GABRG2: variants seen among roughly 807,000 people sequenced by gnomAD.
GABRG2 encodes the protein gamma-aminobutyric acid receptor subunit gamma-2.
GABRG2 carries 16 observed loss-of-function variants against 56.4 expected under a neutral mutation model. The observed-to-expected ratio is 0.28, with a 90% CI of 0.19 to 0.43. GABRG2 has a LOEUF of 0.43. Among genes scored for constraint, GABRG2 ranks in the 20% least tolerant of loss-of-function variants. The pLI, the probability that GABRG2 is intolerant of heterozygous loss-of-function variation, is 1.00. For synonymous variants in GABRG2, 208 were observed against 205.5 expected, an observed-to-expected ratio of 1.01 and a Z score of -0.10; for missense variants, 327 against 582.7, an observed-to-expected ratio of 0.56 and a Z score of 4.52.
chr5:162,141,807 A>G (rs1481125863), intron 6 of GABRG2, among the ~76,000 whole-genome samples: 1 of 152,138 alleles, frequency 6.6e-6, no homozygotes, highest in Admixed American at 6.5e-5. Flanking sequence ...AATTGCAGAC[A>G]AGATACGCAC....
chr5:162,138,407 A>G (rs1306993654), intron 6 of GABRG2, among the ~76,000 whole-genome samples: 1 of 152,202 alleles, frequency 6.6e-6, no homozygotes, highest in African/African-American at 2.4e-5. Context: ...CAAAAGCTAG[A>G]TAGAATGCAT....
chr5:162,076,758 T>C (rs929051773), intron 1 of GABRG2, among the ~76,000 whole-genome samples: 5 of 152,100 alleles, frequency 3.3e-5, no homozygotes, highest in African/African-American at 1.2e-4. Flanking sequence ...TGGAGAGTAA[T>C]GAGGAAGGAA....
chr5:162,112,951 T>TA (rs1554098874), intron 6 of GABRG2, among the ~76,000 whole-genome samples: 1 of 151,936 alleles, frequency 6.6e-6, no homozygotes, highest in East Asian at 1.9e-4. Flanking sequence ...TTTATTTTAT[T>TA]TTATTATTAT....
At chr5:162,131,041 G>C (rs749203294) in intron 6 of GABRG2, among the ~76,000 whole-genome samples, 5 of 152,008 alleles carry the variant, frequency 3.3e-5, no homozygotes, top group Non-Finnish European at 7.4e-5. Context: ...TCACCAAATA[G>C]ATAACCAAAA....
At chr5:162,112,317 T>C (rs548103694) in intron 6 of GABRG2, among the ~76,000 whole-genome samples, 1 of 152,248 alleles carries the variant, frequency 6.6e-6, no homozygotes, top group Admixed American at 6.5e-5. Flanking sequence ...AATCCTATTT[T>C]GCTACATTTA....
intron 7 of GABRG2, among the ~76,000 whole-genome samples, chr5:162,148,451 T>C (rs895103654): frequency 6.6e-6 from 1 of 152,180 alleles, no homozygotes; most frequent in Non-Finnish European, 1.5e-5. Context: ...AAAGAATCCA[T>C]CAATCAGAGC....
Position 162,095,386 on chromosome 5 carries a change from A to C in GABRG2, c.260-109A>C, listed in dbSNP as rs1435256982. 2.8e-4 allele frequency: 205 copies of C among 725,358 alleles called. 2 individuals carry two copies. Among genetic ancestry groups the C allele is most frequent in the Non-Finnish European group, 5.9e-5 (24 of 407,448 alleles). 44.9% of individuals were successfully genotyped at this position (725,358 alleles called of 1,614,324 possible). ...GTAACTGGTACCAAATTAGTTGTGA[A>C]TAAATTACTTCTAATGTAGCTAAAT... On this transcript the variant is annotated intron_variant, in intron 2 of 9. Transcript: ENST00000639213.
chr5:162,152,140 C>A (rs1204293837), intron 9 of GABRG2: 2 of 191,878 alleles, frequency 1.0e-5, no homozygotes, highest in Non-Finnish European at 2.1e-5. Flanking sequence ...TGTATTGGTT[C>A]ATTACTGTTT....
intron 6 of GABRG2, among the ~76,000 whole-genome samples, chr5:162,119,759 A>T (rs1478462713): frequency 6.6e-6 from 1 of 152,142 alleles, no homozygotes; most frequent in African/African-American, 2.4e-5. Context: ...ATAGCATGTC[A>T]TTCCCATTTT....
chr5:162,103,613 A>G (rs1761595377), intron 5 of GABRG2: 1 of 446,118 alleles, frequency 2.2e-6, no homozygotes, highest in Non-Finnish European at 4.1e-6. Context: ...AAGTATGCAT[A>G]TGGCATATAT....
intron 9 of GABRG2, chr5:162,152,856 T>TA (rs1765471415): frequency 3.3e-6 from 2 of 603,362 alleles, no homozygotes; most frequent in Non-Finnish European, 5.9e-6. Context: ...ATCTCCTTGC[T>TA]ATAGCTATTA....
chr5:162,148,069 G>A (rs1765094815), intron 7 of GABRG2, among the ~76,000 whole-genome samples: 1 of 152,166 alleles, frequency 6.6e-6, no homozygotes, highest in African/African-American at 2.4e-5. Flanking sequence ...TTTTACATAA[G>A]AGAGCTCCTC....
chr5:162,070,901 G>T (rs2113107143), intron 1 of GABRG2, among the ~76,000 whole-genome samples: 1 of 151,720 alleles, frequency 6.6e-6, no homozygotes, highest in South Asian at 2.1e-4. Context: ...GAAGAAAAGT[G>T]GTCTATACTT....
chr5:162,083,349 A>G (rs1285135723), intron 1 of GABRG2, among the ~76,000 whole-genome samples: 1 of 151,706 alleles, frequency 6.6e-6, no homozygotes, highest in Non-Finnish European at 1.5e-5. Context: ...TCTTTTGTTC[A>G]TGTGTCATGT....
upstream of GABRG2, chr5:162,067,597 C>G (rs1758308176): frequency 2.2e-6 from 1 of 457,338 alleles, no homozygotes; most frequent in Non-Finnish European, 3.8e-6. Context: ...AAAATCAAAA[C>G]AAACAAATAA....
In GABRG2 at chr5:162,097,715, C is replaced by T; in HGVS notation, c.405C>T (p.Leu135=). 6.2e-7 allele frequency: 1 copy of T among 1,613,856 alleles called. No individual in the cohort carries two copies. ...RLKFNSTIKV[L]RLNSNMVGKI... ...AATTTAACAGCACCATTAAAGTCCT[C>T]CGATTGAACAGCAACATGGTGGGGA... Residue 135 remains leucine, a synonymous_variant, in exon 4 of 10, where the codon CTC becomes CTT. Coordinates refer to ENST00000639213, the MANE Select transcript of GABRG2 (RefSeq NM_198904.4).
At chr5:162,086,907 G>T (rs1038031586) in intron 1 of GABRG2, among the ~76,000 whole-genome samples, 1 of 151,668 alleles carries the variant, frequency 6.6e-6, no homozygotes, top group Non-Finnish European at 1.5e-5. Flanking sequence ...GTACTTTCTT[G>T]TACATGTCTT....
At chr5:162,074,102 A>G (rs1452916156) in intron 1 of GABRG2, among the ~76,000 whole-genome samples, 3 of 151,916 alleles carry the variant, frequency 2.0e-5, no homozygotes, top group Non-Finnish European at 2.9e-5. Context: ...CCCCCATACT[A>G]GAGAATAAAT....
intron 6 of GABRG2, among the ~76,000 whole-genome samples, chr5:162,137,893 A>C (rs1280538517): frequency 6.6e-6 from 1 of 150,716 alleles, no homozygotes; most frequent in Non-Finnish European, 1.5e-5. Context: ...CTGGGACTAC[A>C]GGTGCATGCC....
Sources: gnomAD v4.1 joint callset for allele counts (sites outside exome capture counted in the v4.1 genomes callset) on GRCh38, gnomAD v4.1.1 for gene constraint, MANE v1.5 for transcripts, NCBI Gene and HGNC (gene_info 2026-07-23, HGNC 2026-07-21) for gene names.